Variants in TULP4 observed in about 807,000 individuals in gnomAD.
TULP4 encodes TUB like protein 4, also known as tubby-related protein 4.
A neutral mutation model predicts 129.0 loss-of-function variants in TULP4; 16 were observed. That is an observed-to-expected ratio of 0.12 (90% CI 0.08 to 0.19). The LOEUF is 0.19. Among genes scored for constraint, TULP4 ranks in the 10% least tolerant of loss-of-function variants. The probability of loss-of-function intolerance (pLI) is 1.00; values close to 1 mark genes in which losing one functional copy is unlikely to be tolerated. For missense variants in TULP4, 1,842 were observed against 2,059.1 expected (o/e 0.89, Z 2.04); for synonymous variants, 998 against 854.0 (o/e 1.17, Z -2.94).
chr6:158,235,256 C>T (rs1351162112), intron 1 of TULP4, among the ~76,000 whole-genome samples: 1 of 152,070 alleles, frequency 6.6e-6, no homozygotes, highest in Non-Finnish European at 1.5e-5. Context: ...ATGCAACTAT[C>T]ACTTCTGTCC....
chr6:158,435,559 G>C (rs1353906670), intron 3 of TULP4, among the ~76,000 whole-genome samples: 2 of 152,040 alleles, frequency 1.3e-5, no homozygotes, highest in Non-Finnish European at 2.9e-5. Context: ...CCCCTTCCTA[G>C]GTTCCAACCT....
chr6:158,438,310 G>A (rs1459067863), intron 3 of TULP4, among the ~76,000 whole-genome samples: 1 of 152,016 alleles, frequency 6.6e-6, no homozygotes, highest in Non-Finnish European at 1.5e-5. Context: ...TCAAAACGTG[G>A]CATTTCCTTC....
chr6:158,242,870 C>G (rs1016361399), intron 1 of TULP4: 1 of 198,322 alleles, frequency 5.0e-6, no homozygotes, highest in African/African-American at 2.4e-5. Flanking sequence ...CTGCAACCTT[C>G]GCCTCCCGGG....
chr6:158,494,832 C>G lies in TULP4; in HGVS notation c.1856C>G (p.Thr619Ser). The stretch of plus-strand genomic sequence containing the variant: ...GTGGGCTTGGCTGCTTTCCTGCCAA[C>G]CAACCTCGGTGCAGGTAAAAATCAT... ...KIVGLAAFLPTNLGAVIYKTS... is the reference protein window; with the variant it reads ...KIVGLAAFLPSNLGAVIYKTS... Residue 619 changes from threonine (T) to serine (S), a missense_variant, in exon 11 of 14, where the codon ACC (threonine) becomes AGC (serine). Thr to Ser is a moderately conservative substitution (Grantham distance 58). This residue lies in a region of TULP4 where 99 missense variants were observed against 165.1 expected (regional missense o/e 0.60). Coordinates refer to ENST00000367097, the MANE Select transcript of TULP4 (RefSeq NM_020245.5). 6.2e-7 allele frequency: 1 copy of G among 1,614,060 alleles called. No homozygotes were observed. The highest frequency in any genetic ancestry group is 8.5e-7 in the Non-Finnish European group (1 of 1,179,964).
chr6:158,506,529 C>T, intron 13 of TULP4, 49 bp from the exon 14 acceptor site: 1 of 1,298,066 alleles, frequency 7.7e-7, no homozygotes, highest in Non-Finnish European at 1.1e-6. Context: ...CTGCGCCTGG[C>T]CTTTTCACCT....
intron 8 of TULP4, among the ~76,000 whole-genome samples, chr6:158,483,136 A>G (rs111460821): frequency 0.011 from 1,630 of 152,338 alleles, 32 homozygotes; most frequent in African/African-American, 0.037. Flanking sequence ...AGGAGTTTCT[A>G]AACCCTTTTG....
intron 6 of TULP4, among the ~76,000 whole-genome samples, chr6:158,466,811 T>A (rs1357897154): frequency 2.0e-5 from 3 of 152,166 alleles, no homozygotes; most frequent in Non-Finnish European, 2.9e-5. Flanking sequence ...GAAGTAGAAC[T>A]GTTTACCTGG....
intron 1 of TULP4, among the ~76,000 whole-genome samples, chr6:158,330,593 T>G (rs1779854910): frequency 6.6e-6 from 1 of 152,232 alleles, no homozygotes; most frequent in South Asian, 2.1e-4. Context: ...GTGTATTTCC[T>G]AAGAACAAGA....
chr6:158,245,158 A>C (rs1273416033), intron 1 of TULP4, among the ~76,000 whole-genome samples: 1 of 145,460 alleles, frequency 6.9e-6, no homozygotes, highest in African/African-American at 2.5e-5. Flanking sequence ...TGGTCAATTA[A>C]ATTTTTTTTT....
At chr6:158,307,816 G>C (rs1779243709), upstream of TULP4, among the ~76,000 whole-genome samples, 1 of 151,806 alleles carries the variant, frequency 6.6e-6, no homozygotes, top group South Asian at 2.1e-4. Context: ...GGAAAATATT[G>C]GTTTACCAAG....
chr6:158,458,692 A>G (rs565050275), intron 5 of TULP4, among the ~76,000 whole-genome samples: 1 of 152,234 alleles, frequency 6.6e-6, no homozygotes, highest in Non-Finnish European at 1.5e-5. Context: ...GACTATATCT[A>G]GGCTTCTGTA....
chr6:158,297,484 T>C (rs1162684855), intron 1 of TULP4, among the ~76,000 whole-genome samples: 1 of 152,170 alleles, frequency 6.6e-6, no homozygotes. Context: ...ATTAAAAGAT[T>C]AAAGTAAGAC....
rs1479321564 is a variant in TULP4 at position 158,502,791 on chromosome 6, C to G, written c.3128C>G (p.Thr1043Arg). ...ALYTCSQCSG[T>R]GPSSQPGASL... ...TACACCTGCAGTCAGTGCAGTGGCA[C>G]AGGGCCCAGCTCACAGCCCGGAGCC... The change falls in exon 13 of 14, where the codon ACA (threonine) becomes AGA (arginine). Residue 1043 changes from threonine to arginine, a missense_variant. By Grantham distance (71) the Thr-to-Arg change is moderately conservative. This residue lies in a region of TULP4 where 1,089 missense variants were observed against 987.1 expected (regional missense o/e 1.10). Transcript: ENST00000367097. 8 of 1,609,758 alleles carry G rather than the reference C, an allele frequency of 5.0e-6. No homozygotes were observed. The highest frequency in any genetic ancestry group is 6.8e-6 in the Non-Finnish European group (8 of 1,179,558).
intron 1 of TULP4, among the ~76,000 whole-genome samples, chr6:158,289,727 T>C (rs1012883374): frequency 4.0e-5 from 6 of 150,296 alleles, no homozygotes; most frequent in Admixed American, 4.0e-4. Flanking sequence ...ACCACAGGCA[T>C]GTGCCACCAT....
intron 1 of TULP4, among the ~76,000 whole-genome samples, chr6:158,388,315 C>CG (rs1777497065): frequency 9.8e-6 from 1 of 102,426 alleles, no homozygotes. Flanking sequence ...ATAATCTGCT[C>CG]GTTTTTCTTT....
chr6:158,314,545 G>C (rs952175966), intron 1 of TULP4, among the ~76,000 whole-genome samples: 1 of 152,154 alleles, frequency 6.6e-6, no homozygotes, highest in African/African-American at 2.4e-5. Context: ...GTGGGAAGAC[G>C]CCCAGCAGTA....
chr6:158,415,678 A>G (rs1778193394), intron 2 of TULP4, among the ~76,000 whole-genome samples: 2 of 151,936 alleles, frequency 1.3e-5, no homozygotes, highest in Non-Finnish European at 2.9e-5. Flanking sequence ...TTATTAAAAA[A>G]AAAAAAAAAA....
intron 1 of TULP4, among the ~76,000 whole-genome samples, chr6:158,358,939 C>T (rs1780705882): frequency 6.6e-6 from 1 of 152,136 alleles, no homozygotes; most frequent in Non-Finnish European, 1.5e-5. Flanking sequence ...AGATTAGAGA[C>T]AGGCTGGGCC....
chr6:158,346,646 T>C (rs1780319055), intron 1 of TULP4, among the ~76,000 whole-genome samples: 1 of 152,256 alleles, frequency 6.6e-6, no homozygotes, highest in African/African-American at 2.4e-5. Flanking sequence ...GGGTTTCTTT[T>C]AGCACCAAAA....
Sources: gnomAD v4.1 joint callset for allele counts (sites outside exome capture counted in the v4.1 genomes callset) on GRCh38, gnomAD v4.1.1 for gene constraint, gnomAD v4.1.1 regional missense constraint, MANE v1.5 for transcripts, NCBI Gene and HGNC (gene_info 2026-07-23, HGNC 2026-07-21) for gene names.